GLRB: variants seen among roughly 807,000 people sequenced by gnomAD.
The protein encoded by GLRB is glycine receptor subunit beta.
GLRB carries 33 observed loss-of-function variants against 54.2 expected under a neutral mutation model. The observed-to-expected ratio is 0.61, with a 90% confidence interval of 0.46 to 0.81. The LOEUF is 0.81. GLRB is among the 40% of genes least tolerant of loss of function. The probability of loss-of-function intolerance (pLI) is 0.00; values close to 1 mark genes in which losing one functional copy is unlikely to be tolerated. For synonymous variants in GLRB, 209 were observed against 208.2 expected (o/e 1.00, Z -0.03); for missense variants, 572 against 584.6 (o/e 0.98, Z 0.22).
intron 2 of GLRB, among the ~76,000 whole-genome samples, chr4:157,079,959 C>T (rs1022074018): frequency 9.9e-5 from 15 of 152,076 alleles, no homozygotes; most frequent in African/African-American, 3.4e-4. Flanking sequence ...TGATAAGGCT[C>T]CTGTTCTCCC....
rs143735750 is a variant in GLRB, at chr4:157,094,123, ACCAATCATAAGCTTTAATAAATGTTCAC to A, written c.122+15979_122+16006del. The stretch of plus-strand genomic sequence containing the variant: ...GTATAATATGCATATAGAAAAGTGC[ACCAATCATAAGCTTTAATAAATGTTCAC>A]CTTGGTAACCAGCACACGGATCTAG... On this transcript the variant is annotated intron_variant, in intron 2 of 9. Transcript: ENST00000264428. 7.8e-3 allele frequency among the ~76,000 whole-genome samples: 1,186 copies of A among 152,286 alleles called. 21 individuals are homozygous for A. The East Asian group carries it at 0.1, about 13-fold the overall frequency.
chr4:157,094,395 C>A (rs913815747), intron 2 of GLRB, among the ~76,000 whole-genome samples: 1 of 152,180 alleles, frequency 6.6e-6, no homozygotes, highest in African/African-American at 2.4e-5. Context: ...CATTGTCTTG[C>A]TGCCTAGTAT....
intron 2 of GLRB, among the ~76,000 whole-genome samples, chr4:157,113,835 T>G (rs989913661): frequency 1.3e-5 from 2 of 152,068 alleles, no homozygotes; most frequent in Admixed American, 1.3e-4. Context: ...CAAATAAGTT[T>G]AAACTAAACT....
At chr4:157,126,586 A>C (rs998710901) in intron 4 of GLRB, among the ~76,000 whole-genome samples, 1 of 151,900 alleles carries the variant, frequency 6.6e-6, no homozygotes, top group Non-Finnish European at 1.5e-5. Context: ...TTCTAGTTCT[A>C]CCAGTTTATG....
intron 4 of GLRB, among the ~76,000 whole-genome samples, chr4:157,133,522 A>G (rs11937953): frequency 0.034 from 5,224 of 152,004 alleles, 152 homozygotes; most frequent in African/African-American, 0.081. Context: ...TGTTTGACTG[A>G]TGTTCAATAT....
At chr4:157,118,793 G>A (rs1473358764) in intron 2 of GLRB, among the ~76,000 whole-genome samples, 3 of 151,430 alleles carry the variant, frequency 2.0e-5, no homozygotes, top group Non-Finnish European at 4.4e-5. Context: ...ACAAAGCCAA[G>A]CCTGTTGCAT....
chr4:157,126,129 T>C (rs1372127976), intron 4 of GLRB, among the ~76,000 whole-genome samples: 1 of 151,884 alleles, frequency 6.6e-6, no homozygotes, highest in African/African-American at 2.4e-5. Context: ...TGGATAATGT[T>C]GATTATCAAA....
At chr4:157,155,854 C>A (rs1466932001) in intron 9 of GLRB, among the ~76,000 whole-genome samples, 1 of 152,032 alleles carries the variant, frequency 6.6e-6, no homozygotes, top group Non-Finnish European at 1.5e-5. Flanking sequence ...TTGGAGTTTT[C>A]AGCTATTATT....
intron 2 of GLRB, among the ~76,000 whole-genome samples, chr4:157,117,501 C>G (rs532769396): frequency 6.6e-6 from 1 of 151,660 alleles, no homozygotes; most frequent in Non-Finnish European, 1.5e-5. Context: ...GGTTGATTCT[C>G]CAATATTCAT....
rs190304508 is a variant in GLRB at position 157,077,252 on chromosome 4, A to C, written c.-29-744A>C. On this transcript the variant is annotated intron_variant, in intron 1 of 9. Coordinates refer to ENST00000264428, the MANE Select transcript of GLRB (RefSeq NM_000824.5). Reference sequence around the variant, plus strand: ...GTTATTAAAATATGGCTAGGACGATAATTTGAAAAAAATGTAACAACACTT... The same window carrying C: ...GTTATTAAAATATGGCTAGGACGATCATTTGAAAAAAATGTAACAACACTT... 2.9e-3 allele frequency among the ~76,000 whole-genome samples: 445 copies of C among 152,266 alleles called. 2 individuals are homozygous for C. Among genetic ancestry groups the C allele is most frequent in the African/African-American group, 9.9e-3 (411 of 41,566 alleles).
intron 2 of GLRB, among the ~76,000 whole-genome samples, chr4:157,097,164 T>G (rs569918199): frequency 6.6e-6 from 1 of 152,216 alleles, no homozygotes; most frequent in African/African-American, 2.4e-5. Flanking sequence ...GTGTATTTGC[T>G]TAGCCAAATC....
Position 157,163,778 on chromosome 4 carries a change from C to T in GLRB, c.1198-6654C>T, listed in dbSNP as rs1355167830. Reference sequence around the variant, plus strand: ...TTTTATGGTTCCTGGGATCCTGAGTCCCCAGGCTCATCTGCTTCCTCTTCT... The same window carrying T: ...TTTTATGGTTCCTGGGATCCTGAGTTCCCAGGCTCATCTGCTTCCTCTTCT... On this transcript the variant is annotated intron_variant, in intron 9 of 9. Transcript: ENST00000264428. Among the ~76,000 whole-genome samples, 5 of 151,688 alleles carry T rather than the reference C, an allele frequency of 3.3e-5. No homozygotes were observed. In the East Asian group the frequency reaches 5.8e-4, roughly 18 times the overall value.
intron 8 of GLRB, among the ~76,000 whole-genome samples, chr4:157,147,342 T>A (rs983881041): frequency 3.3e-5 from 5 of 152,126 alleles, no homozygotes; most frequent in Admixed American, 2.6e-4. Context: ...CATGGATCAA[T>A]GACTTTTAGA....
chr4:157,144,058 T>C (rs1248952088), intron 8 of GLRB, 99 bp downstream of exon 8: 2 of 1,246,758 alleles, frequency 1.6e-6, no homozygotes, highest in Admixed American at 1.7e-5. Flanking sequence ...GTTTTAGAAT[T>C]GTTAGCCACC....
chr4:157,081,564 C>G (rs1195985756), intron 2 of GLRB, among the ~76,000 whole-genome samples: 2 of 152,130 alleles, frequency 1.3e-5, no homozygotes, highest in African/African-American at 2.4e-5. Context: ...TACTACAATC[C>G]TGGGGATCAC....
intron 9 of GLRB, among the ~76,000 whole-genome samples, chr4:157,154,321 T>A (rs185181899): frequency 1.7e-3 from 255 of 152,238 alleles, no homozygotes; most frequent in African/African-American, 6.0e-3. Flanking sequence ...TATATTTAGA[T>A]CACTTCCATT....
chr4:157,084,697 A>T (rs1457178664), intron 2 of GLRB: 1 of 456,074 alleles, frequency 2.2e-6, no homozygotes, highest in Non-Finnish European at 4.4e-6. Context: ...CAGCATTTTC[A>T]TACTTCAGTC....
intron 6 of GLRB, 118 bp downstream of exon 6, chr4:157,137,004 C>T (rs892741891): frequency 1.5e-6 from 1 of 673,130 alleles, no homozygotes; most frequent in Admixed American, 2.4e-5. Flanking sequence ...TATAAATAGT[C>T]ATTAAAATAA....
intron 9 of GLRB, among the ~76,000 whole-genome samples, chr4:157,165,816 G>GA (rs1737685266): frequency 6.6e-6 from 1 of 151,946 alleles, no homozygotes; most frequent in African/African-American, 2.4e-5. Flanking sequence ...AAAAGACAAA[G>GA]AAAATAGTAC....
Sources: gnomAD v4.1 joint callset for allele counts (sites outside exome capture counted in the v4.1 genomes callset) on GRCh38, gnomAD v4.1.1 for gene constraint, MANE v1.5 for transcripts, NCBI Gene and HGNC (gene_info 2026-07-23, HGNC 2026-07-21) for gene names.